SCAF8: variants seen among roughly 807,000 people sequenced by gnomAD.
SCAF8 encodes the protein SR-related CTD associated factor 8, also known as SR-related and CTD-associated factor 8.
In SCAF8, 23 loss-of-function variants were observed where a neutral mutation model predicts 140.5. That is an observed-to-expected ratio of 0.16 (90% CI 0.12 to 0.23). The LOEUF is 0.23. Ranked by LOEUF, SCAF8 falls within the 10% of genes least tolerant of loss-of-function variation. The probability of loss-of-function intolerance (pLI) is 1.00; values close to 1 mark genes in which losing one functional copy is unlikely to be tolerated. For missense variants in SCAF8, 1,397 were observed against 1,555.7 expected, an observed-to-expected ratio of 0.90 and a Z score of 1.72; for synonymous variants, 575 against 528.9, an observed-to-expected ratio of 1.09 and a Z score of -1.20.
At chr6:154,750,298 A>G (rs147740564) in intron 1 of SCAF8, among the ~76,000 whole-genome samples, 179 of 152,292 alleles carry the variant, frequency 1.2e-3, no homozygotes, top group African/African-American at 4.1e-3. Flanking sequence ...AGGTGGAGAT[A>G]CCTAACTAAA....
chr6:154,771,554 G>A (rs1776767601), intron 1 of SCAF8, among the ~76,000 whole-genome samples: 1 of 152,124 alleles, frequency 6.6e-6, no homozygotes, highest in African/African-American at 2.4e-5. Flanking sequence ...TTTTAAGGGG[G>A]GTGGGTAGTA....
intron 1 of SCAF8, among the ~76,000 whole-genome samples, chr6:154,767,001 G>C (rs963843544): frequency 6.6e-6 from 1 of 152,108 alleles, no homozygotes; most frequent in African/African-American, 2.4e-5. Flanking sequence ...GGGACATGTA[G>C]ACTACTTTGA....
chr6:154,783,849 C>G (rs1386997842), intron 3 of SCAF8, among the ~76,000 whole-genome samples: 1 of 151,986 alleles, frequency 6.6e-6, no homozygotes, highest in Non-Finnish European at 1.5e-5. Context: ...GGGCAGATCA[C>G]TTGAGAGGTC....
intron 3 of SCAF8, among the ~76,000 whole-genome samples, chr6:154,780,552 G>T (rs1465062181): frequency 6.6e-6 from 1 of 151,034 alleles, no homozygotes; most frequent in Non-Finnish European, 1.5e-5. Flanking sequence ...GCCCTGATGT[G>T]TTTTGTTCCC....
intron 12 of SCAF8, among the ~76,000 whole-genome samples, chr6:154,811,125 A>G (rs1778076937): frequency 6.6e-6 from 1 of 152,156 alleles, no homozygotes; most frequent in African/African-American, 2.4e-5. Flanking sequence ...GCTAGTGTCA[A>G]CCTGATAATA....
chr6:154,759,215 G>C (rs532677297), intron 1 of SCAF8, among the ~76,000 whole-genome samples: 4 of 152,174 alleles, frequency 2.6e-5, no homozygotes, highest in Middle Eastern at 3.2e-3. Context: ...TGGTTTACTC[G>C]ATCTTGGCTG....
At chr6:154,769,749 A>G (rs1776682962) in intron 1 of SCAF8, among the ~76,000 whole-genome samples, 2 of 152,196 alleles carry the variant, frequency 1.3e-5, no homozygotes, top group Admixed American at 1.3e-4. Context: ...TTCTGTACAA[A>G]GCTTGTTTGG....
At chr6:154,767,779 G>A (rs941640761) in intron 1 of SCAF8, among the ~76,000 whole-genome samples, 2 of 151,940 alleles carry the variant, frequency 1.3e-5, no homozygotes, top group African/African-American at 4.8e-5. Flanking sequence ...AATCAAGTGA[G>A]CTGCCTGCCT....
At chr6:154,821,277 G>T (rs1351913580) in intron 15 of SCAF8, among the ~76,000 whole-genome samples, 1 of 144,356 alleles carries the variant, frequency 6.9e-6, no homozygotes, top group African/African-American at 2.5e-5. Flanking sequence ...GTTTTCTGTT[G>T]GTAGCCTGTT....
chr6:154,749,494 T>C lies in SCAF8; in HGVS notation c.30+15564T>C, dbSNP rs78180982. On this transcript the variant is annotated intron_variant, in intron 1 of 19. Transcript: ENST00000367178. Reference sequence around the variant, plus strand: ...ACAGCCTTTTCCTCAGCAAGCTCTTTCTGATGGGGTGGGGCTGGGAATATG... The same window carrying C: ...ACAGCCTTTTCCTCAGCAAGCTCTTCCTGATGGGGTGGGGCTGGGAATATG... Among the ~76,000 whole-genome samples the C allele has an allele frequency of 1.3e-3, 196 of 152,226 alleles. 6 individuals are homozygous for C. The East Asian group carries it at 0.037, about 29-fold the overall frequency.
intron 3 of SCAF8, among the ~76,000 whole-genome samples, chr6:154,778,666 A>G (rs907804915): frequency 6.6e-6 from 1 of 152,104 alleles, no homozygotes; most frequent in African/African-American, 2.4e-5. Context: ...TGGGAGGCTG[A>G]GGCACAAGAA....
Position 154,832,166 on chromosome 6 carries a change from T to C in SCAF8, c.2587T>C (p.Ser863Pro). The C allele has an allele frequency of 3.7e-6, 6 of 1,614,126 alleles. No individual in the cohort carries two copies. The highest frequency in any genetic ancestry group is 5.1e-6 in the Non-Finnish European group (6 of 1,180,002). Residue 863 changes from serine (S) to proline (P), a missense_variant, in exon 20 of 20, where the codon TCA (serine) becomes CCA (proline). Transcript: ENST00000367178. ...GILGIQPPSV[S>P]NSSGLLGVLP... ...ATTGGGAATACAGCCACCCAGTGTG[T>C]CAAATAGTTCTGGACTTTTGGGAGT...
chr6:154,772,859 A>T (rs1776810506), intron 1 of SCAF8, among the ~76,000 whole-genome samples: 1 of 152,090 alleles, frequency 6.6e-6, no homozygotes, highest in Admixed American at 6.6e-5. Context: ...TCTTGGGTTC[A>T]AGCAGTTCTC....
intron 12 of SCAF8, among the ~76,000 whole-genome samples, chr6:154,812,948 A>T (rs570564989): frequency 2.0e-5 from 3 of 152,072 alleles, no homozygotes. Flanking sequence ...CTGTAATCCA[A>T]GCTACTTTGG....
chr6:154,798,203 A>G (rs1777664543), intron 6 of SCAF8, among the ~76,000 whole-genome samples: 2 of 151,724 alleles, frequency 1.3e-5, no homozygotes, highest in South Asian at 4.1e-4. Flanking sequence ...AAAATTAATA[A>G]GAATCATGGG....
chr6:154,754,768 A>G (rs1172575194), intron 1 of SCAF8, among the ~76,000 whole-genome samples: 2 of 151,876 alleles, frequency 1.3e-5, no homozygotes, highest in African/African-American at 2.4e-5. Flanking sequence ...TCCCTTTGTT[A>G]TTTAGTTTTC....
At chr6:154,778,707 T>C (rs1776987072) in intron 3 of SCAF8, among the ~76,000 whole-genome samples, 1 of 151,406 alleles carries the variant, frequency 6.6e-6, no homozygotes, top group South Asian at 2.1e-4. Flanking sequence ...GAGGTTGTAG[T>C]GAGCTGAGAT....
chr6:154,809,006 T>C (rs2114646289), intron 11 of SCAF8, among the ~76,000 whole-genome samples: 1 of 152,332 alleles, frequency 6.6e-6, no homozygotes, highest in Non-Finnish European at 1.5e-5. Flanking sequence ...TTACATAAGA[T>C]TGGCAGCCAT....
At chr6:154,741,658 C>T (rs749477012) in intron 1 of SCAF8, among the ~76,000 whole-genome samples, 12 of 152,170 alleles carry the variant, frequency 7.9e-5, no homozygotes, top group South Asian at 2.1e-4. Flanking sequence ...CCGCCCGCCT[C>T]GGCCTCCCAA....
Sources: gnomAD v4.1 joint callset for allele counts (sites outside exome capture counted in the v4.1 genomes callset) on GRCh38, gnomAD v4.1.1 for gene constraint, MANE v1.5 for transcripts, NCBI Gene and HGNC (gene_info 2026-07-23, HGNC 2026-07-21) for gene names.